Variants in DENND4A observed in about 807,000 individuals in gnomAD.
DENND4A encodes DENN domain containing 4A, also known as C-myc promoter-binding protein.
Under a neutral mutation model 199.3 loss-of-function variants are expected in DENND4A, and 70 were observed. The ratio of observed to expected loss-of-function variants is 0.35; its 90% CI spans 0.29 to 0.43. The LOEUF (loss-of-function observed/expected upper bound fraction) is 0.43, where lower values mean the gene tolerates loss of function less well. DENND4A is among the 20% of genes least tolerant of loss of function. DENND4A has a pLI of 1.00. For missense variants in DENND4A, 1,723 were observed against 2,255.8 expected (o/e 0.76, Z 4.78); for synonymous variants, 686 against 766.9 (o/e 0.89, Z 1.74).
At chr15:65,717,539 G>A (rs558968872) in intron 13 of DENND4A, among the ~76,000 whole-genome samples, 3 of 152,150 alleles carry the variant, frequency 2.0e-5, no homozygotes, top group East Asian at 1.9e-4. Context: ...AAGTGTAGTC[G>A]GTATATGGTT....
chr15:65,776,073 T>C (rs34822538), intron 1 of DENND4A, among the ~76,000 whole-genome samples: 1 of 152,212 alleles, frequency 6.6e-6, no homozygotes, highest in African/African-American at 2.4e-5. Context: ...GAGTATCTTG[T>C]ACATATCTCT....
At chr15:65,746,403 T>C (rs1157680598) in intron 4 of DENND4A, among the ~76,000 whole-genome samples, 1 of 112,422 alleles carries the variant, frequency 8.9e-6, no homozygotes, top group African/African-American at 3.6e-5. Flanking sequence ...TTTTTTTTTT[T>C]TGAGACGGAG....
intron 1 of DENND4A, among the ~76,000 whole-genome samples, chr15:65,777,949 G>A (rs929679266): frequency 2.6e-5 from 4 of 152,100 alleles, no homozygotes; most frequent in East Asian, 1.9e-4. Flanking sequence ...CAGAAGAATC[G>A]CTTGAACCCG....
intron 4 of DENND4A, among the ~76,000 whole-genome samples, chr15:65,746,398 T>C (rs2076397604): frequency 9.0e-6 from 1 of 110,526 alleles, no homozygotes; most frequent in African/African-American, 3.4e-5. Flanking sequence ...TTTTTTTTTT[T>C]TTTTTTGAGA....
chr15:65,722,703 C>A lies in DENND4A; in HGVS notation c.1588+145G>T, dbSNP rs114631815. ...TATAAATCTCTCATTCATCTTCTAA[C>A]AAATTTTGCTTTAATGATCATCTGC... On this transcript the variant is annotated intron_variant, in intron 12 of 32. Coordinates refer to ENST00000443035, the MANE Select transcript of DENND4A (RefSeq NM_001320835.1). 558 of 495,778 alleles carry A rather than the reference C, an allele frequency of 1.1e-3. 3 individuals carry two copies. Among genetic ancestry groups the A allele is most frequent in the African/African-American group, 9.9e-3 (491 of 49,552 alleles). The allele number at this position is 495,778 out of a possible 1,614,324, so 30.7% of individuals were successfully genotyped here. A position where few individuals can be genotyped will look rare whatever the true frequency, so the allele number is the denominator to read the frequency against.
intron 24 of DENND4A, among the ~76,000 whole-genome samples, chr15:65,673,704 A>C (rs1196650361): frequency 1.3e-5 from 2 of 151,794 alleles, no homozygotes; most frequent in East Asian, 1.9e-4. Flanking sequence ...CTAGAGAGGC[A>C]GAAAACGAGC....
chr15:65,729,772 A>G, intron 9 of DENND4A, 94 bp from the exon 10 acceptor site: 1 of 1,140,862 alleles, frequency 8.8e-7, no homozygotes, highest in Non-Finnish European at 1.2e-6. Flanking sequence ...TTAGAGTAGG[A>G]TTTGTATTAT....
intron 11 of DENND4A, chr15:65,725,940 T>C (rs767160267): frequency 3.9e-5 from 6 of 152,142 alleles, no homozygotes; most frequent in Non-Finnish European, 7.4e-5. Context: ...AAATTCTAAT[T>C]GAAGGAAAGT....
At chr15:65,718,622 T>C (rs915387324) in intron 12 of DENND4A, among the ~76,000 whole-genome samples, 3 of 152,014 alleles carry the variant, frequency 2.0e-5, no homozygotes, top group African/African-American at 7.2e-5. Flanking sequence ...CCCAGATCTC[T>C]CAAATCTTCA....
chr15:65,672,421 T>G (rs1272668020), intron 24 of DENND4A, among the ~76,000 whole-genome samples: 2 of 152,050 alleles, frequency 1.3e-5, no homozygotes, highest in Non-Finnish European at 2.9e-5. Flanking sequence ...GGCCAGGAAT[T>G]CGAGACCAGC....
At chr15:65,745,430 T>A (rs867442981) in intron 4 of DENND4A, among the ~76,000 whole-genome samples, 2 of 152,122 alleles carry the variant, frequency 1.3e-5, no homozygotes, top group African/African-American at 2.4e-5. Flanking sequence ...TTTCTCTTGA[T>A]GGAAAAATAT....
intron 3 of DENND4A, among the ~76,000 whole-genome samples, chr15:65,755,596 T>C (rs1035345052): frequency 1.3e-5 from 2 of 151,776 alleles, no homozygotes; most frequent in African/African-American, 4.8e-5. Flanking sequence ...CAAGACCCTG[T>C]CTCTACAAAA....
chr15:65,686,064 C>G (rs963299669), intron 23 of DENND4A, among the ~76,000 whole-genome samples: 3 of 152,154 alleles, frequency 2.0e-5, no homozygotes, highest in Non-Finnish European at 4.4e-5. Flanking sequence ...CAAAATCCTG[C>G]TAGAATTTTG....
At chr15:65,670,367 C>T (rs928020401) in intron 25 of DENND4A, among the ~76,000 whole-genome samples, 179 bp from the exon 26 acceptor site, 2 of 152,152 alleles carry the variant, frequency 1.3e-5, no homozygotes, top group African/African-American at 4.8e-5. Flanking sequence ...TAAATCCATT[C>T]CAGAATTTTT....
intron 32 of DENND4A, among the ~76,000 whole-genome samples, chr15:65,662,497 G>A (rs539511060): frequency 1.3e-5 from 2 of 151,944 alleles, no homozygotes; most frequent in East Asian, 3.9e-4. Flanking sequence ...TTTCCACATG[G>A]CAACAGATGG....
At chr15:65,784,075 C>T (rs962689962) in intron 1 of DENND4A, among the ~76,000 whole-genome samples, 1 of 152,074 alleles carries the variant, frequency 6.6e-6, no homozygotes, top group African/African-American at 2.4e-5. Context: ...GCAATGAGAG[C>T]GGCACTTTAT....
At chr15:65,777,666 T>A (rs1402536884) in intron 1 of DENND4A, among the ~76,000 whole-genome samples, 2 of 151,992 alleles carry the variant, frequency 1.3e-5, no homozygotes, top group Non-Finnish European at 2.9e-5. Context: ...AACAAAAAAA[T>A]TGATTAAACA....
chr15:65,676,696 C>T (rs1405790322), intron 23 of DENND4A, 62 bp from the exon 24 acceptor site: 2 of 1,344,500 alleles, frequency 1.5e-6, no homozygotes, highest in Non-Finnish European at 2.0e-6. Flanking sequence ...TAAAAAGTCA[C>T]TTCTAAGGCA....
chr15:65,690,943 CAA>C lies in DENND4A; in HGVS notation c.3649_3650del (p.Leu1217GlyfsTer3). On this transcript the variant is annotated frameshift_variant, in exon 23 of 33. Coordinates refer to ENST00000443035, the MANE Select transcript of DENND4A (RefSeq NM_001320835.1). LOFTEE classifies it high-confidence loss of function. ...VATGFDPLSLLVAETEQQQKE... is the reference protein window; with the variant it reads ...VATGFDPLSLXVAETEQQQKE... The stretch of plus-strand genomic sequence containing the variant: ...TTTGCTGCTGTTCAGTCTCAGCAAC[CAA>C]AAGAGAGAGGGGATCAAATCCTGTT... 6.2e-7 allele frequency: 1 copy of C among 1,602,812 alleles called. No individual in the cohort carries two copies. The highest frequency in any genetic ancestry group is 8.5e-7 in the Non-Finnish European group (1 of 1,174,070).
Sources: allele counts gnomAD v4.1 joint callset (sites outside exome capture counted in the v4.1 genomes callset), GRCh38; gene constraint gnomAD v4.1.1; transcripts MANE v1.5; gene names NCBI Gene and HGNC (gene_info 2026-07-23, HGNC 2026-07-21).